ZNF91: variants seen among roughly 807,000 people sequenced by gnomAD.
ZNF91 encodes zinc finger protein 91.
ZNF91 carries 7 observed loss-of-function variants against 12.6 expected under a neutral mutation model. That is an observed-to-expected ratio of 0.55 (90% CI 0.31 to 1.04). The LOEUF (loss-of-function observed/expected upper bound fraction) is 1.04. Ranked by LOEUF, ZNF91 falls within the 50% of genes least tolerant of loss-of-function variation. The probability of loss-of-function intolerance (pLI) is 0.05; values close to 1 mark genes in which losing one functional copy is unlikely to be tolerated. For missense variants in ZNF91, 1,217 were observed against 1,385.4 expected, an observed-to-expected ratio of 0.88 and a Z score of 1.93; for synonymous variants, 453 against 462.6, an observed-to-expected ratio of 0.98 and a Z score of 0.27.
intron 1 of ZNF91, among the ~76,000 whole-genome samples, chr19:23,320,702 C>T (rs1474114630): frequency 1.3e-5 from 2 of 152,138 alleles, no homozygotes; most frequent in Non-Finnish European, 2.9e-5. Context: ...GACATAGAGC[C>T]AAACCATGTA....
intron 1 of ZNF91, among the ~76,000 whole-genome samples, chr19:23,382,990 T>G (rs12232876): frequency 0.13 from 19,535 of 152,138 alleles, 2,033 homozygotes; most frequent in East Asian, 0.43. Context: ...TCTCTCCAAC[T>G]CATTATATAA....
intron 2 of ZNF91, chr19:23,307,615 G>A (rs1967414790): frequency 6.6e-6 from 1 of 152,226 alleles, no homozygotes; most frequent in Non-Finnish European, 1.5e-5. Flanking sequence ...TCATGCCTGG[G>A]ACCTGTCCAC....
chr19:23,330,335 GA>G lies in ZNF91; in HGVS notation n.117-21239del, dbSNP rs200975259. 4.0e-3 allele frequency among the ~76,000 whole-genome samples: 521 copies of G among 130,842 alleles called. 4 individuals carry two copies. Among genetic ancestry groups the G allele is most frequent in the African/African-American group, 0.011 (394 of 36,212 alleles). The allele number at this position is 130,842 out of a possible 152,430, so 85.8% of individuals were successfully genotyped here. A position where few individuals can be genotyped will look rare whatever the true frequency, so the allele number is the denominator to read the frequency against. ...AGCAGAGCCAGACTTCGTCTCAAAA[GA>G]AAAAAAAAAAAAGAAAGAAAGTCTT... On this transcript the variant is annotated intron_variant and non_coding_transcript_variant, in intron 1 of 1. Transcript: ENST00000596528.
intron 1 of ZNF91, among the ~76,000 whole-genome samples, chr19:23,318,059 G>T (rs1214663138): frequency 2.6e-5 from 4 of 152,156 alleles, no homozygotes; most frequent in Admixed American, 6.5e-5. Context: ...TGGGACTCTA[G>T]TCCACTGCCT....
At chr19:23,334,876 C>T (rs1967977991), downstream of ZNF91, among the ~76,000 whole-genome samples, 1 of 152,112 alleles carries the variant, frequency 6.6e-6, no homozygotes, top group Non-Finnish European at 1.5e-5. Flanking sequence ...GTACACTAAA[C>T]ATATATAAAA....
chr19:23,322,332 T>G (rs761250692), intron 1 of ZNF91, among the ~76,000 whole-genome samples: 1 of 152,156 alleles, frequency 6.6e-6, no homozygotes, highest in Non-Finnish European at 1.5e-5. Flanking sequence ...CTCTACTGTT[T>G]GGTCTCTGAC....
At chr19:23,346,799 C>A (rs1433127364) in intron 3 of ZNF91, among the ~76,000 whole-genome samples, 4 of 152,164 alleles carry the variant, frequency 2.6e-5, no homozygotes, top group African/African-American at 9.7e-5. Flanking sequence ...TCCATGCCAA[C>A]TTAACAGTTT....
chr19:23,385,255 T>C, intron 1 of ZNF91: 1 of 536,024 alleles, frequency 1.9e-6, no homozygotes, highest in Non-Finnish European at 3.4e-6. Context: ...GCCCTCACTT[T>C]TGGATGAGGG....
chr19:23,334,024 ACAAGTGGAGAACTGG>A (rs1967965711), downstream of ZNF91, among the ~76,000 whole-genome samples: 1 of 152,216 alleles, frequency 6.6e-6, no homozygotes, highest in African/African-American at 2.4e-5. Flanking sequence ...AACAGCAAGA[ACAAGTGGAGAACTGG>A]CAAGTGAAAA....
intron 1 of ZNF91, chr19:23,385,067 A>C: frequency 1.7e-5 from 18 of 1,047,722 alleles, no homozygotes; most frequent in Non-Finnish European, 2.7e-5. Context: ...TCCGCATCTC[A>C]GTCCAGACAG....
Position 23,359,079 on chromosome 19 carries a change from G to T in ZNF91, c.*324C>A. ...TTTTCTTATGTCTGGTTAGGGCTGA[G>T]GACCAGAAAAAGGATTTGCCACATT... is the stretch of plus-strand genomic sequence containing the variant. On this transcript the variant is annotated 3_prime_UTR_variant, in exon 4 of 4. Transcript: ENST00000300619. 1.8e-6 allele frequency: 1 copy of T among 556,234 alleles called. No individual in the cohort carries two copies. The highest frequency in any genetic ancestry group is 1.9e-5 in the African/African-American group (1 of 52,692). 34.5% of individuals were successfully genotyped at this position (556,234 alleles called of 1,614,324 possible).
chr19:23,329,407 C>A (rs546115042), intron 1 of ZNF91, among the ~76,000 whole-genome samples: 71 of 152,148 alleles, frequency 4.7e-4, no homozygotes, highest in Non-Finnish European at 9.1e-4. Context: ...CCTGATTTTT[C>A]AAGTCATTTC....
chr19:23,395,250 C>G, intron 1 of ZNF91, 75 bp downstream of exon 1: 5 of 1,570,472 alleles, frequency 3.2e-6, no homozygotes, highest in Non-Finnish European at 4.3e-6. Context: ...AGGCCTGAGG[C>G]TCGCCACAGC....
chr19:23,361,438 C>A lies in ZNF91; in HGVS notation c.1541G>T (p.Gly514Val), dbSNP rs1254662779. ...TTCTTCAAATTTGTAGGGTTTCTCT[C>A]CAGTATGAATTATCTTATGTTTAGT... is the stretch of plus-strand genomic sequence containing the variant. ...TLTKHKIIHT[G>V]EKPYKFEECG... The change falls in exon 4 of 4, where the codon GGA becomes GTA. Residue 514 changes from glycine (G) to valine (V), a missense_variant. Around this residue, in one of 2 missense-constraint regions of ZNF91, gnomAD observed 726 missense variants for 895.5 expected, o/e 0.81. Transcript: ENST00000300619. 1.9e-6 allele frequency: 3 copies of A among 1,613,472 alleles called. No individual in the cohort carries two copies. Among genetic ancestry groups the A allele is most frequent in the Non-Finnish European group, 2.5e-6 (3 of 1,179,808 alleles).
chr19:23,331,287 T>A (rs73924569), intron 1 of ZNF91, among the ~76,000 whole-genome samples: 1 of 151,624 alleles, frequency 6.6e-6, no homozygotes, highest in Non-Finnish European at 1.5e-5. Flanking sequence ...AGGAAATTAA[T>A]TAAGTTAATA....
intron 3 of ZNF91, among the ~76,000 whole-genome samples, chr19:23,369,601 T>G (rs1237150328): frequency 6.6e-6 from 1 of 152,114 alleles, no homozygotes; most frequent in African/African-American, 2.4e-5. Flanking sequence ...GAAATCAGAT[T>G]GTTGCTGTGT....
chr19:23,378,807 AAAAGTT>A (rs1448229655), intron 1 of ZNF91, among the ~76,000 whole-genome samples: 2 of 152,190 alleles, frequency 1.3e-5, no homozygotes, highest in African/African-American at 4.8e-5. Flanking sequence ...AGTCTAGACT[AAAAGTT>A]CTTGCATGGT....
At position 23,358,891 on chromosome 19, in the gene ZNF91, T is replaced by G; in HGVS notation, c.*512A>C. ...GAGTTTCTCTCCAGTATGAATAATA[T>G]TATGTCTGTTAAGAATTCAGGACTT... is the stretch of plus-strand genomic sequence containing the variant. On this transcript the variant is annotated 3_prime_UTR_variant, in exon 4 of 4. Coordinates refer to ENST00000300619, the MANE Select transcript of ZNF91 (RefSeq NM_003430.4). 4.8e-6 allele frequency: 1 copy of G among 207,014 alleles called. No individual in the cohort carries two copies. Among genetic ancestry groups the G allele is most frequent in the Non-Finnish European group, 1.0e-5 (1 of 95,916 alleles). The allele number at this position is 207,014 out of a possible 1,614,324, so 12.8% of individuals were successfully genotyped here. A position where few individuals can be genotyped will look rare whatever the true frequency, so the allele number is the denominator to read the frequency against.
intron 3 of ZNF91, among the ~76,000 whole-genome samples, chr19:23,368,558 C>CTATATATATATATATA (rs1392705570): frequency 8.2e-6 from 1 of 121,874 alleles, no homozygotes; most frequent in African/African-American, 3.3e-5. Flanking sequence ...CTCTCTCTCT[C>CTATATATATATATATA]TCTCTATATA....
Sources: gnomAD v4.1 joint callset for allele counts (sites outside exome capture counted in the v4.1 genomes callset) on GRCh38, gnomAD v4.1.1 for gene constraint, gnomAD v4.1.1 regional missense constraint, MANE v1.5 for transcripts, NCBI Gene and HGNC (gene_info 2026-07-23, HGNC 2026-07-21) for gene names.